HCN1: variants seen among roughly 807,000 people sequenced by gnomAD.
HCN1 encodes the protein hyperpolarization activated cyclic nucleotide gated potassium channel 1.
HCN1 carries 13 observed loss-of-function variants against 78.9 expected under a neutral mutation model. The observed-to-expected ratio is 0.16, with a 90% CI of 0.11 to 0.26. HCN1 has a LOEUF of 0.26. HCN1 is among the 10% of genes least tolerant of loss of function. HCN1 has a pLI of 1.00. For missense variants in HCN1, 810 were observed against 1,154.3 expected (o/e 0.70, Z 4.32); for synonymous variants, 552 against 455.5 (o/e 1.21, Z -2.70).
At chr5:45,399,004 C>T (rs977176567) in intron 3 of HCN1, among the ~76,000 whole-genome samples, 1 of 152,132 alleles carries the variant, frequency 6.6e-6, no homozygotes, top group Non-Finnish European at 1.5e-5. Context: ...GCCTGAGTGC[C>T]ATGGGTATTG....
At chr5:45,592,295 C>A (rs1238804126) in intron 2 of HCN1, among the ~76,000 whole-genome samples, 1 of 150,692 alleles carries the variant, frequency 6.6e-6, no homozygotes, top group African/African-American at 2.4e-5. Flanking sequence ...TGAAAATAAA[C>A]CAAGAATAAA....
rs1188949385 is a variant in HCN1, at chr5:45,640,548, A to G, written c.849+4637T>C. Among the ~76,000 whole-genome samples the G allele has an allele frequency of 2.0e-5, 3 of 151,604 alleles. No individual in the cohort carries two copies. In the East Asian group the frequency reaches 5.8e-4, roughly 29 times the overall value. ...ACGATAGAGTGTGTCAATGTAGAAT[A>G]CCTTCTGGAAATGAGTTGAAGTCTG... On this transcript the variant is annotated intron_variant, in intron 2 of 7. Coordinates refer to ENST00000303230, the MANE Select transcript of HCN1 (RefSeq NM_021072.4).
At chr5:45,543,304 G>A (rs1464406639) in intron 2 of HCN1, among the ~76,000 whole-genome samples, 1 of 151,706 alleles carries the variant, frequency 6.6e-6, no homozygotes, top group Non-Finnish European at 1.5e-5. Flanking sequence ...TAACATAGAA[G>A]GAGATAAAAA....
intron 4 of HCN1, among the ~76,000 whole-genome samples, chr5:45,394,600 C>T (rs1019944963): frequency 6.6e-6 from 1 of 152,110 alleles, no homozygotes; most frequent in Non-Finnish European, 1.5e-5. Flanking sequence ...GAGTACAGAA[C>T]TTTAGAACTA....
intron 5 of HCN1, among the ~76,000 whole-genome samples, chr5:45,345,278 T>C (rs1746677818): frequency 6.6e-6 from 1 of 152,108 alleles, no homozygotes; most frequent in East Asian, 1.9e-4. Context: ...TTTTTCCCCC[T>C]AGACCTCCAG....
intron 4 of HCN1, among the ~76,000 whole-genome samples, chr5:45,361,675 C>T (rs1259984618): frequency 1.3e-5 from 2 of 152,166 alleles, no homozygotes; most frequent in Non-Finnish European, 2.9e-5. Flanking sequence ...ACTTAGCTAT[C>T]CATTCAGATA....
chr5:45,342,134 A>T (rs916254934), intron 5 of HCN1, among the ~76,000 whole-genome samples: 2 of 152,148 alleles, frequency 1.3e-5, no homozygotes, highest in South Asian at 2.1e-4. Flanking sequence ...TGAACTTGAT[A>T]GAGGTTATGG....
chr5:45,593,086 T>A (rs1744407743), intron 2 of HCN1, among the ~76,000 whole-genome samples: 1 of 152,222 alleles, frequency 6.6e-6, no homozygotes, highest in Non-Finnish European at 1.5e-5. Context: ...TACAAATCCC[T>A]TCCTCTCTAA....
At chr5:45,281,511 A>G (rs1387291780) in intron 6 of HCN1, among the ~76,000 whole-genome samples, 1 of 151,880 alleles carries the variant, frequency 6.6e-6, no homozygotes, top group African/African-American at 2.4e-5. Context: ...GAACAGACTA[A>G]TACATATGTG....
At chr5:45,347,341 G>T (rs1746764775) in intron 5 of HCN1, among the ~76,000 whole-genome samples, 1 of 152,066 alleles carries the variant, frequency 6.6e-6, no homozygotes, top group African/African-American at 2.4e-5. Context: ...AAACACAAAG[G>T]ACATCCACAC....
intron 2 of HCN1, among the ~76,000 whole-genome samples, chr5:45,607,160 A>C (rs1744741188): frequency 2.0e-5 from 3 of 151,924 alleles, no homozygotes; most frequent in Admixed American, 2.0e-4. Flanking sequence ...ACTAAAGTAG[A>C]AATAACACGA....
chr5:45,627,795 A>G (rs940001243), intron 2 of HCN1, among the ~76,000 whole-genome samples: 3 of 152,210 alleles, frequency 2.0e-5, no homozygotes, highest in Admixed American at 6.5e-5. Context: ...ATGGAAATAA[A>G]CATATATTTA....
At chr5:45,408,069 G>T (rs1173242720) in intron 3 of HCN1, among the ~76,000 whole-genome samples, 1 of 152,088 alleles carries the variant, frequency 6.6e-6, no homozygotes, top group Non-Finnish European at 1.5e-5. Flanking sequence ...TGTACAATGT[G>T]CTTGTGTCTT....
At chr5:45,326,643 TA>T (rs1363172731) in intron 5 of HCN1, among the ~76,000 whole-genome samples, 2 of 151,628 alleles carry the variant, frequency 1.3e-5, no homozygotes, top group Non-Finnish European at 3.0e-5. Context: ...TAGCCTAAAA[TA>T]AAAAATTATT....
chr5:45,617,978 T>C (rs1223764169), intron 2 of HCN1, among the ~76,000 whole-genome samples: 2 of 152,150 alleles, frequency 1.3e-5, no homozygotes, highest in Non-Finnish European at 2.9e-5. Context: ...CTGTTCTCTC[T>C]GGTGAAATAA....
chr5:45,528,821 T>C (rs1256370478), intron 2 of HCN1, among the ~76,000 whole-genome samples: 2 of 151,992 alleles, frequency 1.3e-5, no homozygotes, highest in East Asian at 1.9e-4. Context: ...ATAGACCATG[T>C]CATTAAAATT....
intron 2 of HCN1, among the ~76,000 whole-genome samples, chr5:45,506,733 C>T (rs1305822714): frequency 1.3e-5 from 2 of 152,072 alleles, no homozygotes; most frequent in African/African-American, 4.8e-5. Context: ...CCTAAAAGTA[C>T]AGCTCTGTAT....
intron 2 of HCN1, among the ~76,000 whole-genome samples, chr5:45,595,119 A>G (rs1744460251): frequency 6.6e-6 from 1 of 152,188 alleles, no homozygotes; most frequent in Non-Finnish European, 1.5e-5. Flanking sequence ...ATAGAGAACA[A>G]TAGAAATTGA....
rs113103933 is a variant in HCN1 at position 45,279,556 on chromosome 5, A to G, written c.1619-12303T>C. Among the ~76,000 whole-genome samples the G allele has an allele frequency of 9.4e-3, 1,433 of 152,286 alleles. 20 individuals carry two copies. Among genetic ancestry groups the G allele is most frequent in the African/African-American group, 0.033 (1,381 of 41,564 alleles). ...ATTGTAAACACATAAAAGTAACAAT[A>G]TACTATATTACTAGAATACTAGTAG... is the stretch of plus-strand genomic sequence containing the variant. On this transcript the variant is annotated intron_variant, in intron 6 of 7. Transcript: ENST00000303230.
Sources: gnomAD v4.1 joint callset for allele counts (sites outside exome capture counted in the v4.1 genomes callset) on GRCh38, gnomAD v4.1.1 for gene constraint, MANE v1.5 for transcripts, NCBI Gene and HGNC (gene_info 2026-07-23, HGNC 2026-07-21) for gene names.